The following RFX3 variants were observed in gnomAD, a reference collection of about 807,000 sequenced individuals.
RFX3 encodes regulatory factor X3.
In RFX3, 14 loss-of-function variants were observed where a neutral mutation model predicts 98.6. The ratio of observed to expected loss-of-function variants is 0.14; its 90% CI spans 0.09 to 0.22. The LOEUF is 0.22. RFX3 is among the 10% of genes least tolerant of loss of function. The probability of loss-of-function intolerance (pLI) is 1.00; values close to 1 mark genes in which losing one functional copy is unlikely to be tolerated. For missense variants in RFX3, 639 were observed against 926.9 expected (o/e 0.69, Z 4.03); for synonymous variants, 383 against 328.4 (o/e 1.17, Z -1.80).
chr9:3,236,644 C>T (rs754589157), intron 15 of RFX3, among the ~76,000 whole-genome samples: 1 of 152,130 alleles, frequency 6.6e-6, no homozygotes, highest in Non-Finnish European at 1.5e-5. Context: ...TATCAGATGG[C>T]GGAAGTGACC....
At chr9:3,449,543 C>T (rs1390909355) in intron 1 of RFX3, among the ~76,000 whole-genome samples, 1 of 152,188 alleles carries the variant, frequency 6.6e-6, no homozygotes, top group Non-Finnish European at 1.5e-5. Context: ...ATTTAAAAGA[C>T]TATTCTTTAC....
At chr9:3,291,201 C>G (rs979953087) in intron 6 of RFX3, among the ~76,000 whole-genome samples, 6 of 151,904 alleles carry the variant, frequency 3.9e-5, no homozygotes, top group Admixed American at 6.6e-5. Flanking sequence ...CCCATCTCTA[C>G]TAAAAACACA....
chr9:3,500,436 A>G (rs1815875264), intron 1 of RFX3, among the ~76,000 whole-genome samples: 1 of 152,208 alleles, frequency 6.6e-6, no homozygotes, highest in African/African-American at 2.4e-5. Context: ...TTTATATTCA[A>G]TAATTATATA....
intron 4 of RFX3, among the ~76,000 whole-genome samples, chr9:3,306,646 T>G (rs1829354555): frequency 6.6e-6 from 1 of 151,036 alleles, no homozygotes; most frequent in African/African-American, 2.4e-5. Flanking sequence ...ACATACCTAA[T>G]GCTAAATGAC....
intron 1 of RFX3, among the ~76,000 whole-genome samples, chr9:3,399,038 C>T (rs1159737402): frequency 6.6e-6 from 1 of 151,338 alleles, no homozygotes; most frequent in Non-Finnish European, 1.5e-5. Context: ...AATTGGCCTT[C>T]TATGGACTAC....
chr9:3,512,207 A>C (rs973245718), intron 1 of RFX3, among the ~76,000 whole-genome samples: 1 of 152,028 alleles, frequency 6.6e-6, no homozygotes, highest in Non-Finnish European at 1.5e-5. Context: ...TGTTGTTAGC[A>C]TAAGATTTAA....
intron 7 of RFX3, among the ~76,000 whole-genome samples, chr9:3,284,911 G>GTA (rs1826379751): frequency 2.0e-5 from 3 of 151,732 alleles, no homozygotes; most frequent in African/African-American, 7.2e-5. Flanking sequence ...GTTCCATACA[G>GTA]TGGTATTGCT....
chr9:3,462,633 G>T (rs922406742), intron 1 of RFX3, among the ~76,000 whole-genome samples: 3 of 152,114 alleles, frequency 2.0e-5, no homozygotes, highest in Admixed American at 2.0e-4. Context: ...TGTCTATGCA[G>T]AACATTTTTA....
chr9:3,517,463 T>G (rs773706974), intron 1 of RFX3, among the ~76,000 whole-genome samples: 2 of 152,188 alleles, frequency 1.3e-5, no homozygotes, highest in Non-Finnish European at 2.9e-5. Context: ...CTCACTCTAT[T>G]AGTTTTCCTA....
chr9:3,230,274 T>C (rs1021644854), intron 15 of RFX3, among the ~76,000 whole-genome samples: 26 of 152,190 alleles, frequency 1.7e-4, no homozygotes, highest in African/African-American at 4.8e-4. Context: ...CCTAGGTGAC[T>C]GCTTTGAAGG....
chr9:3,354,279 G>A (rs1029055477), intron 2 of RFX3, among the ~76,000 whole-genome samples: 1 of 151,902 alleles, frequency 6.6e-6, no homozygotes, highest in East Asian at 1.9e-4. Flanking sequence ...ACGAACAGAA[G>A]AACATCATCA....
chr9:3,314,710 G>A (rs1173910202), intron 4 of RFX3, among the ~76,000 whole-genome samples: 3 of 151,640 alleles, frequency 2.0e-5, no homozygotes. Context: ...AAAAAAAAAA[G>A]CAGGGGTTGC....
intron 9 of RFX3, among the ~76,000 whole-genome samples, chr9:3,272,076 CAAT>C (rs1824567446): frequency 6.6e-6 from 1 of 152,100 alleles, no homozygotes; most frequent in Non-Finnish European, 1.5e-5. Flanking sequence ...CGTTAACTGT[CAAT>C]GATGATAATT....
At chr9:3,309,825 T>C (rs544834869) in intron 4 of RFX3, among the ~76,000 whole-genome samples, 2 of 152,342 alleles carry the variant, frequency 1.3e-5, no homozygotes, top group East Asian at 3.9e-4. Flanking sequence ...GTCCTTCTCA[T>C]AGGATGGCCC....
At chr9:3,436,823 G>T (rs539393397) in intron 1 of RFX3, among the ~76,000 whole-genome samples, 2 of 152,108 alleles carry the variant, frequency 1.3e-5, no homozygotes, top group South Asian at 4.1e-4. Flanking sequence ...CAGACATACA[G>T]GGAAGGAGAT....
intron 13 of RFX3, among the ~76,000 whole-genome samples, 194 bp from the exon 14 acceptor site, chr9:3,257,393 T>C (rs549294916): frequency 2.1e-4 from 32 of 152,268 alleles, no homozygotes; most frequent in African/African-American, 7.5e-4. Context: ...GGATGAGTAT[T>C]TCTCGTTGCT....
intron 5 of RFX3, 131 bp from the exon 6 acceptor site, chr9:3,293,389 A>G (rs552650010): frequency 4.1e-5 from 25 of 610,000 alleles, no homozygotes; most frequent in African/African-American, 4.0e-4. Context: ...GTAAACTGCT[A>G]TAATTCAGAA....
chr9:3,401,167 G>A (rs182734460), intron 1 of RFX3, among the ~76,000 whole-genome samples: 4 of 152,210 alleles, frequency 2.6e-5, no homozygotes, highest in African/African-American at 4.8e-5. Flanking sequence ...CAACTAATAC[G>A]TATTTTTCCA....
chr9:3,232,938 G>T (rs949627033), intron 15 of RFX3, among the ~76,000 whole-genome samples: 3 of 152,182 alleles, frequency 2.0e-5, no homozygotes, highest in African/African-American at 7.2e-5. Flanking sequence ...GAGTTAGAAA[G>T]TATATGGCCT....
Sources: allele counts gnomAD v4.1 joint callset (sites outside exome capture counted in the v4.1 genomes callset), GRCh38; gene constraint gnomAD v4.1.1; transcripts MANE v1.5; gene names NCBI Gene and HGNC (gene_info 2026-07-23, HGNC 2026-07-21).